The following LAMA1 variants were observed in gnomAD, a reference collection of about 807,000 sequenced individuals.
The protein encoded by LAMA1 is laminin subunit alpha-1.
In LAMA1, 219 loss-of-function variants were observed where a neutral mutation model predicts 348.7. That is an observed-to-expected ratio of 0.63 (90% CI 0.56 to 0.70). The LOEUF is 0.70. Among genes scored for constraint, LAMA1 ranks in the 30% least tolerant of loss-of-function variants. The pLI, the probability that LAMA1 is intolerant of heterozygous loss-of-function variation, is 0.00. For synonymous variants in LAMA1, 1,487 were observed against 1,491.0 expected, an observed-to-expected ratio of 1.00 and a Z score of 0.06; for missense variants, 3,744 against 3,888.0, an observed-to-expected ratio of 0.96 and a Z score of 0.99.
In LAMA1 at chr18:7,032,118, G is replaced by A. The variant is rs1443880960; in HGVS notation, c.2222C>T (p.Pro741Leu). 6.2e-6 allele frequency: 10 copies of A among 1,614,152 alleles called. No homozygotes were observed. The highest frequency in any genetic ancestry group is 1.3e-5 in the African/African-American group (1 of 75,038). Residue 741 changes from proline to leucine, a missense_variant, in exon 16 of 63, where the codon CCC (proline) becomes CTC (leucine). This residue lies in a region of LAMA1 where 1,529 missense variants were observed against 1,689.4 expected (regional missense o/e 0.91). Coordinates refer to ENST00000389658, the MANE Select transcript of LAMA1 (RefSeq NM_005559.4). ...AGCTGCATGGCCGTGGCATTCACAGGGTTGACAAATTCCTCCAAAGAGTAT... is the reference window on the plus strand; with the variant it reads ...AGCTGCATGGCCGTGGCATTCACAGAGTTGACAAATTCCTCCAAAGAGTAT... Reference protein sequence around the residue: ...DGILFGGICQPCECHGHAAEC... With the variant: ...DGILFGGICQLCECHGHAAEC...
chr18:6,974,907 C>T lies in LAMA1; in HGVS notation c.6619G>A (p.Ala2207Thr), dbSNP rs757678340. Reference protein sequence around the residue: ...DDNRWHSIHVARFGNIGSLSV... With the variant: ...DDNRWHSIHVTRFGNIGSLSV... Reference sequence around the variant, plus strand: ...TGAGAGAACATTCTCTTCTACCTGGCTACATGGATACTGTGCCATCTGTTG... The same window carrying T: ...TGAGAGAACATTCTCTTCTACCTGGTTACATGGATACTGTGCCATCTGTTG... The change falls in exon 46 of 63, where the codon GCC (alanine) becomes ACC (threonine). Residue 2207 changes from alanine (A) to threonine (T), a missense_variant. Around this residue, in one of 3 missense-constraint regions of LAMA1, gnomAD observed 1,983 missense variants for 1,934.3 expected, o/e 1.03. Transcript: ENST00000389658. 6.2e-6 allele frequency: 10 copies of T among 1,614,148 alleles called. No individual in the cohort carries two copies. The highest frequency in any genetic ancestry group is 8.5e-6 in the Non-Finnish European group (10 of 1,180,028).
At chr18:7,078,259 T>C (rs544242806) in intron 3 of LAMA1, among the ~76,000 whole-genome samples, 133 of 149,338 alleles carry the variant, frequency 8.9e-4, no homozygotes, top group Non-Finnish European at 1.3e-3. Flanking sequence ...CTCTGCCTCC[T>C]GGGTTCACGC....
intron 3 of LAMA1, among the ~76,000 whole-genome samples, chr18:7,062,289 G>A (rs994219058): frequency 6.7e-6 from 1 of 150,330 alleles, no homozygotes; most frequent in Non-Finnish European, 1.5e-5. Flanking sequence ...TTCCCTGAAG[G>A]TAAGAGAAGG....
chr18:6,966,165 G>T lies in LAMA1; in HGVS notation c.7032C>A (p.Tyr2344Ter), dbSNP rs1265944347. The change falls in exon 49 of 63, where the codon TAC becomes TAA. Residue 2344 changes from tyrosine to a stop codon, truncating the protein, a stop_gained. Coordinates refer to ENST00000389658, the MANE Select transcript of LAMA1 (RefSeq NM_005559.4). LOFTEE classifies it high-confidence loss of function. ...CTCTTACTGTGCCGTATGAACCCAG[G>T]TAGAGAAGAAGTCCATTAGGTGAAA... is the stretch of plus-strand genomic sequence containing the variant. Reference protein sequence around the residue: ...NTFSPNGLLLYLGSYGTKDFL... With the variant: ...NTFSPNGLLL 6.2e-7 allele frequency: 1 copy of T among 1,614,030 alleles called. No homozygotes were observed. The highest frequency in any genetic ancestry group is 2.2e-5 in the East Asian group (1 of 44,890).
At chr18:7,036,860 C>CAA (rs1267017630) in intron 12 of LAMA1, among the ~76,000 whole-genome samples, 1 of 151,906 alleles carries the variant, frequency 6.6e-6, no homozygotes, top group African/African-American at 2.4e-5. Context: ...TAAAACAAAA[C>CAA]AAAACCAAAA....
At chr18:7,105,839 T>G (rs16951241) in intron 1 of LAMA1, among the ~76,000 whole-genome samples, 10,653 of 152,288 alleles carry the variant, frequency 0.07, 469 homozygotes, top group East Asian at 0.18. Context: ...AAGAGTATTT[T>G]TCAAAGAAGG....
rs1489596628 is a variant in LAMA1 at position 6,955,434 on chromosome 18, T to C, written c.8126A>G (p.Tyr2709Cys). The C allele has an allele frequency of 6.2e-7, 1 of 1,614,086 alleles. No homozygotes were observed. The highest frequency in any genetic ancestry group is 8.5e-7 in the Non-Finnish European group (1 of 1,180,002). Reference protein sequence around the residue: ...EQCVVDAALEYVPGAHQFGLT... With the variant: ...EQCVVDAALECVPGAHQFGLT... ...ACCAAACTGGTGAGCGCCGGGAACG[T>C]ACTCCAGAGCTGCATCCACCACACA... Residue 2709 changes from tyrosine (Y) to cysteine (C), a missense_variant, in exon 57 of 63, where the codon TAC becomes TGC. Coordinates refer to ENST00000389658, the MANE Select transcript of LAMA1 (RefSeq NM_005559.4).
intron 30 of LAMA1, among the ~76,000 whole-genome samples, chr18:7,000,625 C>T (rs2057803516): frequency 6.6e-6 from 1 of 152,178 alleles, no homozygotes; most frequent in Non-Finnish European, 1.5e-5. Flanking sequence ...TTTTGTTTTA[C>T]TCCTTTTTCT....
rs1042990925 is a variant in LAMA1, at chr18:6,959,838, C to T, written c.7627-346G>A. 13 of 307,030 alleles carry T rather than the reference C, an allele frequency of 4.2e-5. No homozygotes were observed. The Admixed American group carries it at 5.7e-4, about 13-fold the overall frequency. 19.0% of individuals were successfully genotyped at this position (307,030 alleles called of 1,614,324 possible). ...TAAAGTATTTTCCAACTTTTTATTACCATACATGTGAATGTTTAATTGTTT... is the reference window on the plus strand; with the variant it reads ...TAAAGTATTTTCCAACTTTTTATTATCATACATGTGAATGTTTAATTGTTT... On this transcript the variant is annotated intron_variant, in intron 53 of 62. Transcript: ENST00000389658.
chr18:6,970,066 G>A (rs1447528415), intron 48 of LAMA1, among the ~76,000 whole-genome samples: 2 of 152,152 alleles, frequency 1.3e-5, no homozygotes, highest in Non-Finnish European at 2.9e-5. Flanking sequence ...TAGAGTCTAG[G>A]GGTCGGGGTG....
At chr18:7,097,184 C>T (rs2058264935) in intron 1 of LAMA1, among the ~76,000 whole-genome samples, 1 of 151,918 alleles carries the variant, frequency 6.6e-6, no homozygotes, top group African/African-American at 2.4e-5. Context: ...ATAACGAGAT[C>T]CTGGAAACAG....
intron 19 of LAMA1, among the ~76,000 whole-genome samples, chr18:7,018,111 G>A (rs539882129): frequency 1.5e-3 from 223 of 152,002 alleles, no homozygotes; most frequent in African/African-American, 5.2e-3. Flanking sequence ...CAAGGAAGGC[G>A]GATCACCTGA....
intron 29 of LAMA1, among the ~76,000 whole-genome samples, 159 bp from the exon 30 acceptor site, chr18:7,002,544 G>A (rs1013288935): frequency 7.2e-5 from 11 of 152,204 alleles, no homozygotes; most frequent in African/African-American, 2.7e-4. Flanking sequence ...TTAAAATCCT[G>A]AAAACATTTC....
rs763557044 is a variant in LAMA1, at chr18:6,942,044, T to G, written c.*35A>C. 6.2e-7 allele frequency: 1 copy of G among 1,612,058 alleles called. No individual in the cohort carries two copies. Among genetic ancestry groups the G allele is most frequent in the East Asian group, 2.2e-5 (1 of 44,862 alleles). On this transcript the variant is annotated 3_prime_UTR_variant, in exon 63 of 63. Transcript: ENST00000389658. ...ACACATACACTTCTCCTCAAAATATTAGCAATGATTCCAACTGAGGATTCT... is the reference window on the plus strand; with the variant it reads ...ACACATACACTTCTCCTCAAAATATGAGCAATGATTCCAACTGAGGATTCT...
rs868003835 is a variant in LAMA1, at chr18:7,085,416, T to C, written c.62-4959A>G. Among the ~76,000 whole-genome samples, 579 of 135,506 alleles carry C rather than the reference T, an allele frequency of 4.3e-3. 2 individuals are homozygous for C. The highest frequency in any genetic ancestry group is 0.015 in the African/African-American group (540 of 35,326). The allele number at this position is 135,506 out of a possible 152,430, so 88.9% of individuals were successfully genotyped here. Reference sequence around the variant, plus strand: ...CTCTTTTTTTCTTCTTCTTCTTCTTTTTTTTTTTTTTTTTTTTTTGAGACA... The same window carrying C: ...CTCTTTTTTTCTTCTTCTTCTTCTTCTTTTTTTTTTTTTTTTTTTGAGACA... On this transcript the variant is annotated intron_variant, in intron 1 of 62. Transcript: ENST00000389658.
At position 7,012,120 on chromosome 18, in the gene LAMA1, G is replaced by A; in HGVS notation, c.3382C>T (p.Gln1128Ter). 6.2e-7 allele frequency: 1 copy of A among 1,614,004 alleles called. No homozygotes were observed. Among genetic ancestry groups the A allele is most frequent in the Admixed American group, 1.7e-5 (1 of 60,014 alleles). ...GTGCCCTCTCGACATTCGTTGCACTGAGGACCAAAGACATTTTCCTACAGG... is the reference window on the plus strand; with the variant it reads ...GTGCCCTCTCGACATTCGTTGCACTAAGGACCAAAGACATTTTCCTACAGG... ...CPCKENVFGP[Q>*]CNECREGTFA... Residue 1128 changes from glutamine (Q) to a stop codon, truncating the protein, a stop_gained, in exon 24 of 63, where the codon CAG becomes TAG. Transcript: ENST00000389658. LOFTEE classifies it high-confidence loss of function.
At chr18:7,002,440 T>C in intron 29 of LAMA1, 55 bp from the exon 30 acceptor site, 1 of 1,594,674 alleles carries the variant, frequency 6.3e-7, no homozygotes, top group South Asian at 1.1e-5. Context: ...TTAGAAATCA[T>C]TCTTATCTGG....
intron 42 of LAMA1, among the ~76,000 whole-genome samples, chr18:6,979,338 A>G (rs1168390203): frequency 1.3e-5 from 2 of 152,178 alleles, no homozygotes; most frequent in Non-Finnish European, 2.9e-5. Flanking sequence ...ATGGCTTTAA[A>G]GCACTTTATA....
Position 6,994,419 on chromosome 18 carries a change from G to A in LAMA1, c.4897-667C>T, listed in dbSNP as rs2057771549. ...AAGAATGTAGAGTAACCCAGTCTGA[G>A]TTTGGTGTTTTCTAGTCAAGACCAA... On this transcript the variant is annotated intron_variant, in intron 34 of 62. Transcript: ENST00000389658. 2.0e-5 allele frequency among the ~76,000 whole-genome samples: 3 copies of A among 152,322 alleles called. No individual in the cohort carries two copies. The South Asian group carries it at 6.2e-4, about 32-fold the overall frequency.
Sources: gnomAD v4.1 joint callset for allele counts (sites outside exome capture counted in the v4.1 genomes callset) on GRCh38, gnomAD v4.1.1 for gene constraint, gnomAD v4.1.1 regional missense constraint, MANE v1.5 for transcripts, NCBI Gene and HGNC (gene_info 2026-07-23, HGNC 2026-07-21) for gene names.